The following PTPN13 variants were observed in gnomAD, a reference collection of about 807,000 sequenced individuals.
The protein encoded by PTPN13 is protein tyrosine phosphatase non-receptor type 13.
In PTPN13, 191 loss-of-function variants were observed where a neutral mutation model predicts 284.0. The ratio of observed to expected loss-of-function variants is 0.67; its 90% confidence interval spans 0.60 to 0.76. The LOEUF (loss-of-function observed/expected upper bound fraction) is 0.76, where lower values mean the gene tolerates loss of function less well. Among genes scored for constraint, PTPN13 ranks in the 30% least tolerant of loss-of-function variants. The pLI, the probability that PTPN13 is intolerant of heterozygous loss-of-function variation, is 0.00. For synonymous variants in PTPN13, 986 were observed against 1,022.3 expected, an observed-to-expected ratio of 0.96 and a Z score of 0.68; for missense variants, 2,797 against 2,939.9, an observed-to-expected ratio of 0.95 and a Z score of 1.12.
intron 2 of PTPN13, among the ~76,000 whole-genome samples, chr4:86,666,939 A>G (rs573103621): frequency 1.3e-5 from 2 of 152,318 alleles, no homozygotes; most frequent in East Asian, 1.9e-4. Flanking sequence ...TCCTATTGGC[A>G]CAGCTGCCAG....
At chr4:86,741,950 T>G (rs1736216427) in intron 16 of PTPN13, 134 bp downstream of exon 16, 2 of 673,184 alleles carry the variant, frequency 3.0e-6, no homozygotes, top group Admixed American at 3.7e-5. Context: ...TAACTCTTCC[T>G]TTGTAGTTGT....
At chr4:86,739,780 T>G (rs1477723344) in intron 15 of PTPN13, among the ~76,000 whole-genome samples, 2 of 152,124 alleles carry the variant, frequency 1.3e-5, no homozygotes, top group Non-Finnish European at 2.9e-5. Flanking sequence ...GCCTGCAAAA[T>G]CAAAAGCAAG....
At chr4:86,660,175 G>A (rs1345851005) in intron 2 of PTPN13, among the ~76,000 whole-genome samples, 1 of 152,202 alleles carries the variant, frequency 6.6e-6, no homozygotes, top group Non-Finnish European at 1.5e-5. Context: ...TGATGTCGGT[G>A]ATAGGAGTTA....
intron 40 of PTPN13, among the ~76,000 whole-genome samples, chr4:86,796,583 A>G (rs1441641396): frequency 1.3e-5 from 2 of 152,206 alleles, no homozygotes; most frequent in East Asian, 3.9e-4. Flanking sequence ...TTGAGGTTAC[A>G]TGAGTCATGA....
intron 1 of PTPN13, among the ~76,000 whole-genome samples, chr4:86,604,140 T>C (rs1764548214): frequency 6.6e-6 from 1 of 152,042 alleles, no homozygotes; most frequent in Non-Finnish European, 1.5e-5. Flanking sequence ...CACAGTATAA[T>C]AGAAAGAGCA....
chr4:86,745,684 G>A (rs372534123), intron 17 of PTPN13, among the ~76,000 whole-genome samples: 200 of 152,168 alleles, frequency 1.3e-3, no homozygotes, highest in African/African-American at 4.7e-3. Flanking sequence ...GCTGAGGCAG[G>A]AGAATCACTT....
chr4:86,712,328 A>G (rs1479622082), intron 7 of PTPN13, among the ~76,000 whole-genome samples: 1 of 151,388 alleles, frequency 6.6e-6, no homozygotes, highest in African/African-American at 2.4e-5. Context: ...GTTAGTGCCT[A>G]CTAGATACCT....
intron 35 of PTPN13, among the ~76,000 whole-genome samples, chr4:86,777,180 G>A (rs1230741768): frequency 3.3e-5 from 5 of 152,072 alleles, no homozygotes; most frequent in African/African-American, 9.7e-5. Flanking sequence ...TTATATTAAC[G>A]TTCTGAAGGT....
chr4:86,644,927 G>A (rs750707715), intron 2 of PTPN13, among the ~76,000 whole-genome samples: 2 of 152,088 alleles, frequency 1.3e-5, no homozygotes, highest in Non-Finnish European at 2.9e-5. Flanking sequence ...TCAACTCAAC[G>A]CCGGGCTTGG....
At chr4:86,618,073 A>G (rs1216297867) in intron 1 of PTPN13, among the ~76,000 whole-genome samples, 25 of 152,180 alleles carry the variant, frequency 1.6e-4, no homozygotes, top group African/African-American at 6.0e-4. Context: ...TAACGTTTAA[A>G]TCTTTAATCC....
intron 15 of PTPN13, among the ~76,000 whole-genome samples, chr4:86,740,654 A>T (rs1736077081): frequency 6.6e-6 from 1 of 152,168 alleles, no homozygotes; most frequent in South Asian, 2.1e-4. Flanking sequence ...CTTGTTACTT[A>T]TGTAAATTTC....
chr4:86,693,931 T>G (rs1341836113), intron 6 of PTPN13, among the ~76,000 whole-genome samples: 1 of 152,046 alleles, frequency 6.6e-6, no homozygotes, highest in Non-Finnish European at 1.5e-5. Context: ...GGTATATCAA[T>G]AATAATAATA....
intron 2 of PTPN13, among the ~76,000 whole-genome samples, chr4:86,664,463 G>T (rs970906541): frequency 2.0e-5 from 3 of 152,076 alleles, no homozygotes; most frequent in Admixed American, 1.3e-4. Flanking sequence ...GGGCAGAAAG[G>T]CAACTTTAAA....
In PTPN13 at chr4:86,727,442, T is replaced by C. The variant is rs189453750; in HGVS notation, c.1609-4958T>C. ...AATTCGGCTGTCAGTCTCTCTGGTC[T>C]TGGACTTTTTTTGGTTGGTAGGCTA... On this transcript the variant is annotated intron_variant, in intron 10 of 47. Coordinates refer to ENST00000411767, the MANE Select transcript of PTPN13 (RefSeq NM_080683.3). Among the ~76,000 whole-genome samples the C allele has an allele frequency of 3.1e-4, 47 of 149,534 alleles. 2 individuals are homozygous for C. Among genetic ancestry groups the C allele is most frequent in the Middle Eastern group, 6.9e-3 (2 of 290 alleles).
At chr4:86,637,359 G>A (rs1434540595) in intron 2 of PTPN13, among the ~76,000 whole-genome samples, 7 of 152,188 alleles carry the variant, frequency 4.6e-5, no homozygotes, top group East Asian at 3.9e-4. Context: ...TACCAAAGCC[G>A]GGAAGAGACA....
At chr4:86,803,050 G>A (rs1402562145) in intron 42 of PTPN13, among the ~76,000 whole-genome samples, 2 of 149,522 alleles carry the variant, frequency 1.3e-5, no homozygotes, top group Non-Finnish European at 3.0e-5. Flanking sequence ...TTCAGCCTGG[G>A]CTACAGAATA....
chr4:86,771,988 C>T (rs190308062), intron 31 of PTPN13, among the ~76,000 whole-genome samples: 1 of 152,264 alleles, frequency 6.6e-6, no homozygotes, highest in East Asian at 1.9e-4. Context: ...TACATCAATA[C>T]ATTGCATAAT....
At chr4:86,805,408 G>C in intron 44 of PTPN13, 39 bp downstream of exon 44, 1 of 1,278,078 alleles carries the variant, frequency 7.8e-7, no homozygotes, top group Non-Finnish European at 1.1e-6. Flanking sequence ...TATGTGATCA[G>C]TATAATATTA....
At chr4:86,677,296 A>G (rs531530443) in intron 3 of PTPN13, among the ~76,000 whole-genome samples, 2 of 151,800 alleles carry the variant, frequency 1.3e-5, no homozygotes, top group East Asian at 3.9e-4. Context: ...ATATATACTT[A>G]AAAATAGATG....
Sources: allele counts gnomAD v4.1 joint callset (sites outside exome capture counted in the v4.1 genomes callset), GRCh38; gene constraint gnomAD v4.1.1; transcripts MANE v1.5; gene names NCBI Gene and HGNC (gene_info 2026-07-23, HGNC 2026-07-21).